Variants in C1orf216 observed in about 807,000 individuals in gnomAD.
The protein encoded by C1orf216 is UPF0500 protein C1orf216.
In C1orf216, 18 loss-of-function variants were observed where a neutral mutation model predicts 16.4. The observed-to-expected ratio is 1.10, with a 90% CI of 0.76 to 1.63. The LOEUF (loss-of-function observed/expected upper bound fraction) is 1.63. Among genes scored for constraint, C1orf216 ranks in the 40% most tolerant of loss-of-function variants. The pLI is 0.00. For missense variants in C1orf216, 271 were observed against 297.6 expected, an observed-to-expected ratio of 0.91 and a Z score of 0.66; for synonymous variants, 115 against 116.9, an observed-to-expected ratio of 0.98 and a Z score of 0.11.
rs1180906581 is a variant in C1orf216, at chr1:35,715,615, C to A, written c.*17G>T. 3.1e-6 allele frequency: 5 copies of A among 1,597,678 alleles called. No homozygotes were observed. The highest frequency in any genetic ancestry group is 4.3e-6 in the Non-Finnish European group (5 of 1,170,744). ...AAATATATACATATACCCTTGCACA[C>A]TTGTGGAGGCACACCCTTAGGCCTG... is the stretch of plus-strand genomic sequence containing the variant. On this transcript the variant is annotated 3_prime_UTR_variant, in exon 2 of 2. Coordinates refer to ENST00000270815, the MANE Select transcript of C1orf216 (RefSeq NM_152374.2). This position sits in a 1 kb window ranked among gnomAD's most constrained non-coding sequence, Gnocchi z 4.3.
intron 1 of C1orf216, among the ~76,000 whole-genome samples, chr1:35,718,216 T>C (rs996329640): frequency 3.3e-5 from 5 of 152,220 alleles, no homozygotes; most frequent in East Asian, 1.9e-4. Flanking sequence ...ATTAGAACAA[T>C]TGAAGAGCAT....
rs545645257 is a variant in C1orf216 at position 35,715,785 on chromosome 1, T to C, written c.537A>G (p.Ala179=). 4.3e-6 allele frequency: 7 copies of C among 1,614,202 alleles called. No individual in the cohort carries two copies. The East Asian group carries it at 1.3e-4, about 31-fold the overall frequency. Reference sequence around the variant, plus strand: ...GCAGGCCCCGGATCCACTGGAGCAGTGCCAGGCGACGGTACATCACCAAGT... The same window carrying C: ...GCAGGCCCCGGATCCACTGGAGCAGCGCCAGGCGACGGTACATCACCAAGT... The part of the protein sequence containing the change: ...HVHLVMYRRL[A]LLQWIRGLQH... Residue 179 remains alanine, a synonymous_variant, in exon 2 of 2, where the codon GCA becomes GCG. Coordinates refer to ENST00000270815, the MANE Select transcript of C1orf216 (RefSeq NM_152374.2). This position sits in a 1 kb window ranked among gnomAD's most constrained non-coding sequence, Gnocchi z 4.3.
chr1:35,717,119 C>T (rs1012146742), intron 1 of C1orf216, among the ~76,000 whole-genome samples: 2 of 152,116 alleles, frequency 1.3e-5, no homozygotes, highest in Non-Finnish European at 1.5e-5. Flanking sequence ...CACTATCCTT[C>T]CTTCTCCCAT....
chr1:35,715,007 CCT>C lies in C1orf216; in HGVS notation c.*623_*624del, dbSNP rs1274999167. The C allele has an allele frequency of 2.6e-5, 4 of 153,130 alleles. No individual in the cohort carries two copies. The highest frequency in any genetic ancestry group is 3.8e-4 in the East Asian group (2 of 5,196). 9.5% of individuals were successfully genotyped at this position (153,130 alleles called of 1,614,324 possible). A position where few individuals can be genotyped will look rare whatever the true frequency, so the allele number is the denominator to read the frequency against. Reference sequence around the variant, plus strand: ...TTCAGATAAATGACAGCATGCTAGCCCTCTGTCTCCAGGGAACAGTGGGACCC... The same window carrying C: ...TTCAGATAAATGACAGCATGCTAGCCCTGTCTCCAGGGAACAGTGGGACCC... On this transcript the variant is annotated 3_prime_UTR_variant, in exon 2 of 2. Coordinates refer to ENST00000270815, the MANE Select transcript of C1orf216 (RefSeq NM_152374.2). This position sits in a 1 kb window ranked among gnomAD's most constrained non-coding sequence, Gnocchi z 4.3.
At chr1:35,716,530 T>C in intron 1 of C1orf216, 1 of 590,722 alleles carries the variant, frequency 1.7e-6, no homozygotes, top group Non-Finnish European at 3.0e-6. Flanking sequence ...TGCAAAGGGT[T>C]TTTCCTCCGT....
chr1:35,715,694 T>A lies in C1orf216; in HGVS notation c.628A>T (p.Lys210Ter). The change falls in exon 2 of 2, where the codon AAG (lysine) becomes TAG (stop). Residue 210 changes from lysine to a stop codon, truncating the protein, a stop_gained. Transcript: ENST00000270815. LOFTEE classifies it high-confidence loss of function. This position sits in a 1 kb window ranked among gnomAD's most constrained non-coding sequence, Gnocchi z 4.3. The part of the protein sequence containing the change: ...ESFDTILDNR[K>*]ELIRCLQQRA... ...TGCTGGAGACAGCGAATAAGCTCCT[T>A]CCGGTTGTCTAGGATGGTGTCGAAG... 1 of 1,614,072 alleles carries A rather than the reference T, an allele frequency of 6.2e-7. No individual in the cohort carries two copies. The highest frequency in any genetic ancestry group is 1.1e-5 in the South Asian group (1 of 91,082).
chr1:35,714,854 A>G lies in C1orf216; in HGVS notation c.*778T>C, dbSNP rs1050325209. On this transcript the variant is annotated 3_prime_UTR_variant, in exon 2 of 2. Transcript: ENST00000270815. ...AATTCCATGGCAGGCCAGAGCAGCC[A>G]CTAAACCTCCTACAAGTAAAGCCAA... 1.3e-5 allele frequency: 2 copies of G among 152,486 alleles called. No homozygotes were observed. Among genetic ancestry groups the G allele is most frequent in the Admixed American group, 1.3e-4 (2 of 15,294 alleles). 9.4% of individuals were successfully genotyped at this position (152,486 alleles called of 1,614,324 possible). A position where few individuals can be genotyped will look rare whatever the true frequency, so the allele number is the denominator to read the frequency against.
At position 35,713,995 on chromosome 1, in the gene C1orf216, G is replaced by T. The variant is rs1640910910; in HGVS notation, c.*1637C>A. The T allele has an allele frequency of 6.6e-6, 1 of 151,984 alleles. No individual in the cohort carries two copies. The highest frequency in any genetic ancestry group is 2.4e-5 in the African/African-American group (1 of 41,364). The allele number at this position is 151,984 out of a possible 1,614,324, so 9.4% of individuals were successfully genotyped here. On this transcript the variant is annotated 3_prime_UTR_variant, in exon 2 of 2. Transcript: ENST00000270815. ...GCCCACCCCTCACCCCCACTCTCTG[G>T]ATCTTTCACCCATCCACCTGTCAGG...
At chr1:35,716,390 AACTTAG>A in intron 1 of C1orf216, 64 bp from the exon 2 acceptor site, 2 of 1,409,792 alleles carry the variant, frequency 1.4e-6, no homozygotes, top group Non-Finnish European at 1.9e-6. Flanking sequence ...AAGTCAGGGC[AACTTAG>A]CTGCAGGGAC....
At position 35,715,968 on chromosome 1, in the gene C1orf216, C is replaced by T. The variant is rs1331793130; in HGVS notation, c.354G>A (p.Leu118=). The change falls in exon 2 of 2, where the codon CTG becomes CTA. Residue 118 remains leucine (L), a synonymous_variant. Transcript: ENST00000270815. This position sits in a 1 kb window ranked among gnomAD's most constrained non-coding sequence, Gnocchi z 4.3. The stretch of plus-strand genomic sequence containing the variant: ...GACTGCTGCTACGGCTGTCAATGCT[C>T]AGGGAACTGCTGGCATAGCCGTTGT... The part of the protein sequence containing the change: ...LEDNGYASSS[L]SIDSRSSSPE... The T allele has an allele frequency of 4.3e-6, 7 of 1,614,114 alleles. No individual in the cohort carries two copies. Among genetic ancestry groups the T allele is most frequent in the Non-Finnish European group, 5.9e-6 (7 of 1,180,038 alleles).
rs1008227826 is a variant in C1orf216 at position 35,714,392 on chromosome 1, C to T, written c.*1240G>A. ...CAACCTCTGGCTCCTCCTGACAGTC[C>T]GACTTCAGAGAAATGAACCAAACCA... On this transcript the variant is annotated 3_prime_UTR_variant, in exon 2 of 2. Coordinates refer to ENST00000270815, the MANE Select transcript of C1orf216 (RefSeq NM_152374.2). The T allele has an allele frequency of 5.9e-5, 9 of 152,192 alleles. No individual in the cohort carries two copies. Among genetic ancestry groups the T allele is most frequent in the African/African-American group, 1.7e-4 (7 of 41,426 alleles). The allele number at this position is 152,192 out of a possible 1,614,324, so 9.4% of individuals were successfully genotyped here.
At position 35,715,460 on chromosome 1, in the gene C1orf216, G is replaced by A. The variant is rs1640935587; in HGVS notation, c.*172C>T. On this transcript the variant is annotated 3_prime_UTR_variant, in exon 2 of 2. Transcript: ENST00000270815. The surrounding 1 kb of genome is among the most constrained non-coding windows in gnomAD (Gnocchi z 4.3). ...ACACATGTGCACACAGCACACTTAA[G>A]CTCATTTATACATGCTTATTCACAC... The A allele has an allele frequency of 2.8e-6, 2 of 716,738 alleles. No homozygotes were observed. Among genetic ancestry groups the A allele is most frequent in the Admixed American group, 6.0e-5 (2 of 33,600 alleles). 44.4% of individuals were successfully genotyped at this position (716,738 alleles called of 1,614,324 possible).
Position 35,716,006 on chromosome 1 carries a change from A to G in C1orf216, c.316T>C (p.Ser106Pro). 1 of 1,613,990 alleles carries G rather than the reference A, an allele frequency of 6.2e-7. No individual in the cohort carries two copies. The highest frequency in any genetic ancestry group is 8.5e-7 in the Non-Finnish European group (1 of 1,180,022). The change falls in exon 2 of 2, where the codon TCC (serine) becomes CCC (proline). Residue 106 changes from serine (S) to proline (P), a missense_variant. Around this residue, in one of 3 missense-constraint regions of C1orf216, gnomAD observed 220 missense variants for 227.8 expected, o/e 0.97. Coordinates refer to ENST00000270815, the MANE Select transcript of C1orf216 (RefSeq NM_152374.2). ...EKMGGAGTVC[S>P]PLEDNGYASS... is the part of the protein sequence containing the mutation. ...GCATAGCCGTTGTCCTCCAGAGGGG[A>G]GCAGACTGTGCCAGCACCACCCATC...
In C1orf216 at chr1:35,713,977, C is replaced by T. The variant is rs944313661; in HGVS notation, c.*1655G>A. 2.0e-5 allele frequency: 3 copies of T among 152,138 alleles called. No individual in the cohort carries two copies. Among genetic ancestry groups the T allele is most frequent in the Non-Finnish European group, 4.4e-5 (3 of 68,030 alleles). The allele number at this position is 152,138 out of a possible 1,614,324, so 9.4% of individuals were successfully genotyped here. A position where few individuals can be genotyped will look rare whatever the true frequency, so the allele number is the denominator to read the frequency against. On this transcript the variant is annotated 3_prime_UTR_variant, in exon 2 of 2. Transcript: ENST00000270815. ...AGACAAAAAGTCTTCAGGGCCCACC[C>T]CTCACCCCCACTCTCTGGATCTTTC...
chr1:35,718,280 G>A (rs1571176300), intron 1 of C1orf216, among the ~76,000 whole-genome samples: 1 of 152,196 alleles, frequency 6.6e-6, no homozygotes, highest in African/African-American at 2.4e-5. Flanking sequence ...TCCATAGGTG[G>A]CATGGACCCT....
intron 1 of C1orf216, chr1:35,716,673 A>C: frequency 3.6e-6 from 1 of 278,958 alleles, no homozygotes; most frequent in Non-Finnish European, 6.9e-6. Context: ...CTGCTATCCA[A>C]CCCTGCAACC....
chr1:35,718,243 G>GT (rs1640982224), intron 1 of C1orf216, among the ~76,000 whole-genome samples: 1 of 152,200 alleles, frequency 6.6e-6, no homozygotes, highest in Non-Finnish European at 1.5e-5. Context: ...GAAGGGTATT[G>GT]TAAGTGGAGC....
At position 35,715,715 on chromosome 1, in the gene C1orf216, C is replaced by G. The variant is rs147956029; in HGVS notation, c.607G>C (p.Asp203His). The change falls in exon 2 of 2, where the codon GAC (aspartate) becomes CAC (histidine). Residue 203 changes from aspartate (D) to histidine (H), a missense_variant. Physicochemically the swap from Asp to His is moderately conservative, Grantham distance 81. This residue lies in a region of C1orf216 where 220 missense variants were observed against 227.8 expected (regional missense o/e 0.97). Coordinates refer to ENST00000270815, the MANE Select transcript of C1orf216 (RefSeq NM_152374.2). This position sits in a 1 kb window ranked among gnomAD's most constrained non-coding sequence, Gnocchi z 4.3. The stretch of plus-strand genomic sequence containing the variant: ...TCCTTCCGGTTGTCTAGGATGGTGT[C>G]GAAGCTCTCCTGCAGTCGGGCCTGC... Reference protein sequence around the residue: ...DQQARLQESFDTILDNRKELI... With the variant: ...DQQARLQESFHTILDNRKELI... 290 of 1,614,124 alleles carry G rather than the reference C, an allele frequency of 1.8e-4. No individual in the cohort carries two copies. In the African/African-American group the frequency reaches 3.3e-3, roughly 18 times the overall value.
At chr1:35,717,292 C>T (rs913029108) in intron 1 of C1orf216, among the ~76,000 whole-genome samples, 3 of 152,162 alleles carry the variant, frequency 2.0e-5, no homozygotes, top group African/African-American at 7.2e-5. Context: ...AAACCTCTAC[C>T]TGGCCTACAA....
Sources: allele counts gnomAD v4.1 joint callset (sites outside exome capture counted in the v4.1 genomes callset), GRCh38; gene constraint gnomAD v4.1.1; regional missense constraint gnomAD v4.1.1; non-coding constraint Gnocchi (gnomAD v3.1); transcripts MANE v1.5; gene names NCBI Gene and HGNC (gene_info 2026-07-23, HGNC 2026-07-21).